Variants in RIOK3 observed in about 807,000 individuals in gnomAD.
RIOK3 encodes serine/threonine-protein kinase RIO3.
RIOK3 carries 40 observed loss-of-function variants against 63.5 expected under a neutral mutation model. The ratio of observed to expected loss-of-function variants is 0.63; its 90% CI spans 0.49 to 0.82. The LOEUF is 0.82. Among genes scored for constraint, RIOK3 ranks in the 40% least tolerant of loss-of-function variants. RIOK3 has a pLI of 0.00. For synonymous variants in RIOK3, 193 were observed against 205.0 expected (o/e 0.94, Z 0.50); for missense variants, 557 against 637.0 (o/e 0.87, Z 1.35).
intron 7 of RIOK3, among the ~76,000 whole-genome samples, chr18:23,469,619 C>T (rs764135543): frequency 2.3e-4 from 35 of 151,546 alleles, no homozygotes; most frequent in African/African-American, 3.9e-4. Flanking sequence ...TCCCCGGTAG[C>T]GGGGATTACA....
intron 5 of RIOK3, 27 bp from the exon 6 acceptor site, chr18:23,466,106 T>G: frequency 2.6e-6 from 4 of 1,546,940 alleles, no homozygotes; most frequent in Non-Finnish European, 3.5e-6. Flanking sequence ...TTTAAAATAT[T>G]TAGATGCTAA....
intron 1 of RIOK3, among the ~76,000 whole-genome samples, chr18:23,457,165 TCTC>T (rs1424606255): frequency 2.6e-5 from 4 of 152,130 alleles, no homozygotes; most frequent in African/African-American, 7.2e-5. Context: ...TGGGGATCCT[TCTC>T]CTAGAGTACC....
intron 2 of RIOK3, 55 bp downstream of exon 2, chr18:23,463,134 T>G (rs1188417225): frequency 3.4e-6 from 4 of 1,189,654 alleles, no homozygotes; most frequent in Middle Eastern, 1.9e-4. Context: ...GTTTTAGGAT[T>G]TGATGAGTAA....
At position 23,482,582 on chromosome 18, in the gene RIOK3, T is replaced by C. The variant is rs1372696058; in HGVS notation, c.*1303T>C. 1 of 152,114 alleles carries C rather than the reference T, an allele frequency of 6.6e-6. No homozygotes were observed. The highest frequency in any genetic ancestry group is 6.5e-5 in the Admixed American group (1 of 15,268). The allele number at this position is 152,114 out of a possible 1,614,324, so 9.4% of individuals were successfully genotyped here. ...AATTTGAGCTATCTGGCCTTACTCT[T>C]AGTAGTTTTTAGTACGTGCTGGACA... On this transcript the variant is annotated 3_prime_UTR_variant, in exon 13 of 13. Transcript: ENST00000339486.
chr18:23,465,039 C>A (rs747977637), intron 5 of RIOK3, among the ~76,000 whole-genome samples: 1 of 152,116 alleles, frequency 6.6e-6, no homozygotes, highest in Non-Finnish European at 1.5e-5. Context: ...TGTGCCTGAA[C>A]TACCTGTGTA....
intron 7 of RIOK3, among the ~76,000 whole-genome samples, chr18:23,470,802 T>G (rs1263149645): frequency 3.3e-5 from 5 of 152,172 alleles, no homozygotes; most frequent in Admixed American, 2.6e-4. Flanking sequence ...AGTAGGACAA[T>G]GACAAGGCAA....
intron 1 of RIOK3, 81 bp downstream of exon 1, chr18:23,453,583 T>G: frequency 7.9e-7 from 1 of 1,262,458 alleles, no homozygotes; most frequent in Non-Finnish European, 1.2e-6. Context: ...GGCGGCTTCG[T>G]GGGCGATTCG....
chr18:23,466,055 C>A, intron 5 of RIOK3, 78 bp from the exon 6 acceptor site: 1 of 1,119,716 alleles, frequency 8.9e-7, no homozygotes, highest in Non-Finnish European at 1.3e-6. Context: ...AAAGACTAAT[C>A]TCATTTGGTT....
At position 23,477,076 on chromosome 18, in the gene RIOK3, A is replaced by G. The variant is rs1255924190; in HGVS notation, c.1244A>G (p.His415Arg). 2.5e-6 allele frequency: 4 copies of G among 1,613,920 alleles called. No individual in the cohort carries two copies. Among genetic ancestry groups the G allele is most frequent in the Non-Finnish European group, 2.5e-6 (3 of 1,179,924 alleles). The change falls in exon 10 of 13, where the codon CAT becomes CGT. Residue 415 changes from histidine (H) to arginine (R), a missense_variant. By Grantham distance (29) the His-to-Arg change is conservative. This residue lies in a region of RIOK3 where 309 missense variants were observed against 338.7 expected (regional missense o/e 0.91). Transcript: ENST00000339486. The stretch of plus-strand genomic sequence containing the variant: ...CTCAGTGAGTATAACATGCTGTGGC[A>G]TGCTGGAAAGGTGAGGAGCACATTT... ...ADLSEYNMLW[H>R]AGKVWLIDVS...
At chr18:23,477,402 G>C (rs1466492875) in intron 11 of RIOK3, 134 bp downstream of exon 11, 2 of 691,508 alleles carry the variant, frequency 2.9e-6, no homozygotes, top group Non-Finnish European at 2.6e-6. Flanking sequence ...TCAGGACAAG[G>C]ATATAAAGAT....
At chr18:23,467,133 G>A (rs1229689212) in intron 6 of RIOK3, among the ~76,000 whole-genome samples, 1 of 152,090 alleles carries the variant, frequency 6.6e-6, no homozygotes, top group East Asian at 1.9e-4. Flanking sequence ...GGCCAACATA[G>A]TGAAACCCCA....
At position 23,453,674 on chromosome 18, in the gene RIOK3, G is replaced by A. The variant is rs531577717; in HGVS notation, c.63+172G>A. Among the ~76,000 whole-genome samples the A allele has an allele frequency of 2.6e-5, 4 of 152,354 alleles. No individual in the cohort carries two copies. In the South Asian group the frequency reaches 8.3e-4, roughly 32 times the overall value. On this transcript the variant is annotated intron_variant, in intron 1 of 12. Coordinates refer to ENST00000339486, the MANE Select transcript of RIOK3 (RefSeq NM_003831.5). ...GTGCCGGGATGGGGATGGAGGGAGC[G>A]GAAAGAGGGGCGGAGGGCGGCTGGA... is the stretch of plus-strand genomic sequence containing the variant.
Position 23,462,824 on chromosome 18 carries a change from T to G in RIOK3, c.64-140T>G, listed in dbSNP as rs955111419. On this transcript the variant is annotated intron_variant, in intron 1 of 12. Transcript: ENST00000339486. ...CTGGGAGATAATTTTACTTTTGAGA[T>G]GATTTCTGCAAATAGCTAGTTATTC... 8 of 452,806 alleles carry G rather than the reference T, an allele frequency of 1.8e-5. No individual in the cohort carries two copies. The South Asian group carries it at 3.6e-4, about 20-fold the overall frequency. The allele number at this position is 452,806 out of a possible 1,614,324, so 28.0% of individuals were successfully genotyped here. A position where few individuals can be genotyped will look rare whatever the true frequency, so the allele number is the denominator to read the frequency against.
At chr18:23,479,963 T>G (rs1163032855) in intron 12 of RIOK3, among the ~76,000 whole-genome samples, 1 of 152,204 alleles carries the variant, frequency 6.6e-6, no homozygotes, top group African/African-American at 2.4e-5. Flanking sequence ...ATGGGCAAAC[T>G]GTACATTTCC....
chr18:23,476,173 G>T (rs2057489647), intron 9 of RIOK3, among the ~76,000 whole-genome samples: 1 of 152,012 alleles, frequency 6.6e-6, no homozygotes, highest in South Asian at 2.1e-4. Flanking sequence ...GAAAACAGTA[G>T]GGAGTGCAGG....
intron 1 of RIOK3, among the ~76,000 whole-genome samples, chr18:23,459,429 G>A (rs9954741): frequency 1.8e-4 from 28 of 152,016 alleles, no homozygotes; most frequent in Non-Finnish European, 8.8e-5. Context: ...TTGATGAGAA[G>A]TCTCTACCCT....
At chr18:23,456,991 A>G (rs1028310733) in intron 1 of RIOK3, among the ~76,000 whole-genome samples, 1 of 152,230 alleles carries the variant, frequency 6.6e-6, no homozygotes, top group Non-Finnish European at 1.5e-5. Flanking sequence ...AGAAAACACG[A>G]GAATACCAAG....
Position 23,477,087 on chromosome 18 carries a change from G to T in RIOK3, c.1254+1G>T. The stretch of plus-strand genomic sequence containing the variant: ...TAACATGCTGTGGCATGCTGGAAAG[G>T]TGAGGAGCACATTTTGTTAACATTC... On this transcript the variant is annotated splice_donor_variant, in intron 10 of 12. Coordinates refer to ENST00000339486, the MANE Select transcript of RIOK3 (RefSeq NM_003831.5). LOFTEE classifies it high-confidence loss of function. 1 of 1,613,840 alleles carries T rather than the reference G, an allele frequency of 6.2e-7. No individual in the cohort carries two copies. The highest frequency in any genetic ancestry group is 8.5e-7 in the Non-Finnish European group (1 of 1,179,744).
Position 23,453,304 on chromosome 18 carries a change from C to T in RIOK3, c.-136C>T, listed in dbSNP as rs569157009. 185 of 734,930 alleles carry T rather than the reference C, an allele frequency of 2.5e-4. No individual in the cohort carries two copies. The African/African-American group carries it at 2.9e-3, about 11-fold the overall frequency. The allele number at this position is 734,930 out of a possible 1,614,324, so 45.5% of individuals were successfully genotyped here. ...AGAGATCCAGTTCCGGACGCGGCCG[C>T]CGCCGTCGCCGCCATCTGTCACCTC... On this transcript the variant is annotated 5_prime_UTR_variant, in exon 1 of 13. Transcript: ENST00000339486.
Sources: allele counts gnomAD v4.1 joint callset (sites outside exome capture counted in the v4.1 genomes callset), GRCh38; gene constraint gnomAD v4.1.1; regional missense constraint gnomAD v4.1.1; transcripts MANE v1.5; gene names NCBI Gene and HGNC (gene_info 2026-07-23, HGNC 2026-07-21).